The following GABRA1 variants were observed in gnomAD, a reference collection of about 807,000 sequenced individuals.
The protein encoded by GABRA1 is gamma-aminobutyric acid receptor subunit alpha-1.
Under a neutral mutation model 48.9 loss-of-function variants are expected in GABRA1, and 9 were observed. The ratio of observed to expected loss-of-function variants is 0.18; its 90% CI spans 0.11 to 0.32. GABRA1 has a LOEUF of 0.32. Ranked by LOEUF, GABRA1 falls within the 10% of genes least tolerant of loss-of-function variation. GABRA1 has a pLI of 1.00. For missense variants in GABRA1, 285 were observed against 553.8 expected, an observed-to-expected ratio of 0.51 and a Z score of 4.87; for synonymous variants, 210 against 198.7, an observed-to-expected ratio of 1.06 and a Z score of -0.48.
intron 3 of GABRA1, among the ~76,000 whole-genome samples, chr5:161,865,163 C>T (rs1037947979): frequency 6.6e-6 from 1 of 152,046 alleles, no homozygotes; most frequent in Admixed American, 6.6e-5. Context: ...ATGTTCTTCT[C>T]ATCCTGAAAA....
At chr5:161,870,652 A>T (rs925460996) in intron 4 of GABRA1, among the ~76,000 whole-genome samples, 1 of 152,022 alleles carries the variant, frequency 6.6e-6, no homozygotes, top group African/African-American at 2.4e-5. Flanking sequence ...AAAGAAAGAA[A>T]AAGAAAGAAA....
At chr5:161,894,765 A>G (rs184662007) in intron 8 of GABRA1, among the ~76,000 whole-genome samples, 46 of 152,286 alleles carry the variant, frequency 3.0e-4, no homozygotes, top group African/African-American at 1.1e-3. Context: ...GTAAATGAAC[A>G]TTAGAGGGTA....
intron 8 of GABRA1, among the ~76,000 whole-genome samples, chr5:161,892,519 T>C (rs1228608263): frequency 6.6e-6 from 1 of 152,182 alleles, no homozygotes; most frequent in Admixed American, 6.5e-5. Flanking sequence ...TTCAGAATAA[T>C]TGCAGCTGCA....
At chr5:161,885,107 C>T (rs1359832751) in intron 7 of GABRA1, among the ~76,000 whole-genome samples, 1 of 152,114 alleles carries the variant, frequency 6.6e-6, no homozygotes, top group African/African-American at 2.4e-5. Context: ...TTTTTCCTGT[C>T]ACCACATAGT....
rs977925648 is a variant in GABRA1, at chr5:161,856,900, C to T, written c.187+2630C>T. Among the ~76,000 whole-genome samples, 12 of 151,192 alleles carry T rather than the reference C, an allele frequency of 7.9e-5. No homozygotes were observed. The East Asian group carries it at 2.3e-3, about 29-fold the overall frequency. On this transcript the variant is annotated intron_variant, in intron 3 of 9. Transcript: ENST00000393943. Reference sequence around the variant, plus strand: ...GTGATAATACCATGATAGCTGGCTGCTATTAAGTTGACATTATTGTGGCTT... The same window carrying T: ...GTGATAATACCATGATAGCTGGCTGTTATTAAGTTGACATTATTGTGGCTT...
At chr5:161,897,024 G>A in intron 9 of GABRA1, 87 bp from the exon 10 acceptor site, 4 of 1,208,394 alleles carry the variant, frequency 3.3e-6, no homozygotes, top group Admixed American at 1.8e-5. Context: ...GATTTAGGCT[G>A]CAAAATAAGG....
chr5:161,892,878 C>T (rs1301931492), intron 8 of GABRA1, among the ~76,000 whole-genome samples: 1 of 151,756 alleles, frequency 6.6e-6, no homozygotes, highest in Admixed American at 6.6e-5. Context: ...GTGGTGGGTG[C>T]CTGTAGTCTC....
chr5:161,882,428 T>G, intron 6 of GABRA1, 130 bp from the exon 7 acceptor site: 1 of 854,430 alleles, frequency 1.2e-6, no homozygotes, highest in South Asian at 1.5e-5. Flanking sequence ...TTAAGGGACA[T>G]AAGCTCATCT....
At chr5:161,868,236 G>T (rs185929766) in intron 4 of GABRA1, among the ~76,000 whole-genome samples, 1 of 151,996 alleles carries the variant, frequency 6.6e-6, no homozygotes, top group African/African-American at 2.4e-5. Flanking sequence ...CAGAGATTAG[G>T]CACCAGAATC....
intron 8 of GABRA1, among the ~76,000 whole-genome samples, chr5:161,894,406 C>T (rs774065087): frequency 2.2e-4 from 33 of 152,024 alleles, no homozygotes; most frequent in Non-Finnish European, 3.5e-4. Flanking sequence ...GCATTTAATC[C>T]TCATGATAGT....
At chr5:161,885,692 T>C (rs1754814373) in intron 7 of GABRA1, among the ~76,000 whole-genome samples, 1 of 152,206 alleles carries the variant, frequency 6.6e-6, no homozygotes, top group African/African-American at 2.4e-5. Flanking sequence ...CCTTGGATAC[T>C]ACCATTAAAT....
At chr5:161,861,174 G>T (rs1033345288) in intron 3 of GABRA1, among the ~76,000 whole-genome samples, 1 of 151,682 alleles carries the variant, frequency 6.6e-6, no homozygotes, top group African/African-American at 2.4e-5. Context: ...GTGAAATAGG[G>T]TGCCTGAGAG....
chr5:161,858,314 C>G (rs77911211), intron 3 of GABRA1, among the ~76,000 whole-genome samples: 3 of 151,694 alleles, frequency 2.0e-5, no homozygotes, highest in African/African-American at 7.2e-5. Flanking sequence ...CACCCATCTG[C>G]GTGAAATTTC....
At chr5:161,852,367 T>A (rs542693715) in intron 2 of GABRA1, among the ~76,000 whole-genome samples, 1 of 152,202 alleles carries the variant, frequency 6.6e-6, no homozygotes, top group South Asian at 2.1e-4. Flanking sequence ...TATTTAGTCA[T>A]GTTACCCCAT....
chr5:161,893,253 C>G (rs1755202137), intron 8 of GABRA1, among the ~76,000 whole-genome samples: 1 of 151,908 alleles, frequency 6.6e-6, no homozygotes, highest in South Asian at 2.1e-4. Context: ...TCTTATATCT[C>G]AACAGACTCA....
At chr5:161,882,846 A>G (rs1198797933) in intron 7 of GABRA1, 145 bp downstream of exon 7, 1 of 803,094 alleles carries the variant, frequency 1.2e-6, no homozygotes, top group Non-Finnish European at 2.1e-6. Flanking sequence ...ACTAATGTAA[A>G]CTCGGTAGAC....
intron 2 of GABRA1, among the ~76,000 whole-genome samples, chr5:161,851,873 G>A (rs962157633): frequency 6.6e-6 from 1 of 152,040 alleles, no homozygotes; most frequent in African/African-American, 2.4e-5. Flanking sequence ...ATTATATGAA[G>A]TGTTACTATT....
At position 161,897,104 on chromosome 5, in the gene GABRA1, T is replaced by C; in HGVS notation, c.1060-7T>C. On this transcript the variant is annotated splice_polypyrimidine_tract_variant and splice_region_variant and intron_variant, in intron 9 of 9. Coordinates refer to ENST00000393943, the MANE Select transcript of GABRA1 (RefSeq NM_001127644.2). ...TAAACAAAATGCATTGCTCTTTCTTTCTACAGCCAAAGAAAGTAAAGGATC... is the reference window on the plus strand; with the variant it reads ...TAAACAAAATGCATTGCTCTTTCTTCCTACAGCCAAAGAAAGTAAAGGATC... The C allele has an allele frequency of 6.2e-7, 1 of 1,613,946 alleles. No homozygotes were observed. Among genetic ancestry groups the C allele is most frequent in the African/African-American group, 1.3e-5 (1 of 75,044 alleles).
intron 8 of GABRA1, among the ~76,000 whole-genome samples, chr5:161,894,660 T>C (rs1755277091): frequency 6.6e-6 from 1 of 152,104 alleles, no homozygotes; most frequent in African/African-American, 2.4e-5. Flanking sequence ...TGTGACTGTT[T>C]TTTTAACATT....
Sources: allele counts gnomAD v4.1 joint callset (sites outside exome capture counted in the v4.1 genomes callset), GRCh38; gene constraint gnomAD v4.1.1; transcripts MANE v1.5; gene names NCBI Gene and HGNC (gene_info 2026-07-23, HGNC 2026-07-21).